Variants in GRK3 observed in about 807,000 individuals in gnomAD.
GRK3 encodes the protein G protein-coupled receptor kinase 3, also known as adrenergic, beta, receptor kinase 2.
Under a neutral mutation model 95.7 loss-of-function variants are expected in GRK3, and 54 were observed. That is an observed-to-expected ratio of 0.56 (90% CI 0.45 to 0.71). The LOEUF is 0.71. Among genes scored for constraint, GRK3 ranks in the 30% least tolerant of loss-of-function variants. GRK3 has a pLI of 0.00. For synonymous variants in GRK3, 281 were observed against 290.8 expected, an observed-to-expected ratio of 0.97 and a Z score of 0.34; for missense variants, 649 against 851.2, an observed-to-expected ratio of 0.76 and a Z score of 2.96.
intron 8 of GRK3, among the ~76,000 whole-genome samples, chr22:25,678,095 C>T (rs1202594303): frequency 6.6e-6 from 1 of 152,070 alleles, no homozygotes; most frequent in Non-Finnish European, 1.5e-5. Context: ...GAATTCATGC[C>T]TTCCCTTTCC....
intron 15 of GRK3, among the ~76,000 whole-genome samples, chr22:25,707,463 C>T (rs959241331): frequency 2.0e-5 from 3 of 152,184 alleles, no homozygotes; most frequent in African/African-American, 7.2e-5. Flanking sequence ...TGAGGCAGTG[C>T]ACATGGTAGG....
intron 2 of GRK3, among the ~76,000 whole-genome samples, chr22:25,605,145 TGAAG>T (rs763321215): frequency 6.6e-6 from 1 of 152,228 alleles, no homozygotes; most frequent in Non-Finnish European, 1.5e-5. Context: ...AGCCTGTCTG[TGAAG>T]AGGTTCTTTG....
intron 1 of GRK3, among the ~76,000 whole-genome samples, chr22:25,566,660 GA>G (rs1246774846): frequency 6.6e-6 from 1 of 152,006 alleles, no homozygotes; most frequent in African/African-American, 2.4e-5. Flanking sequence ...GAAGCTAATT[GA>G]AAAAAATCAA....
chr22:25,595,701 A>C (rs543268649), intron 1 of GRK3, among the ~76,000 whole-genome samples: 2 of 152,308 alleles, frequency 1.3e-5, no homozygotes, highest in Admixed American at 1.3e-4. Flanking sequence ...AATTCCAGCC[A>C]CTTGGGAGGC....
At chr22:25,570,700 AATGGGACT>A (rs996842465) in intron 1 of GRK3, among the ~76,000 whole-genome samples, 2 of 152,170 alleles carry the variant, frequency 1.3e-5, no homozygotes, top group African/African-American at 4.8e-5. Context: ...TTTGCATGCA[AATGGGACT>A]GGATATCCCG....
intron 1 of GRK3, among the ~76,000 whole-genome samples, chr22:25,589,345 A>G (rs1932420127): frequency 6.6e-6 from 1 of 152,198 alleles, no homozygotes; most frequent in Admixed American, 6.5e-5. Flanking sequence ...CTTGGCCCGT[A>G]GGGAGCAGAT....
chr22:25,710,974 A>G (rs1180904086), intron 16 of GRK3, 94 bp from the exon 17 acceptor site: 2 of 610,290 alleles, frequency 3.3e-6, no homozygotes, highest in African/African-American at 3.7e-5. Flanking sequence ...GAGCATGCGG[A>G]TATCTCGCAC....
chr22:25,658,691 C>G (rs2084889817), intron 3 of GRK3, among the ~76,000 whole-genome samples: 1 of 151,968 alleles, frequency 6.6e-6, no homozygotes, highest in Non-Finnish European at 1.5e-5. Context: ...AGAAGCAGAG[C>G]CTGAGTTTGT....
At chr22:25,648,758 A>C (rs943506629) in intron 3 of GRK3, 1 of 1,138,472 alleles carries the variant, frequency 8.8e-7, no homozygotes, top group East Asian at 2.4e-5. Context: ...ATGGTATGGC[A>C]TATATTAAAA....
Position 25,722,997 on chromosome 22 carries a change from C to T in GRK3, c.*547C>T, listed in dbSNP as rs2085445782. The T allele has an allele frequency of 6.6e-6, 1 of 152,524 alleles. No homozygotes were observed. Among genetic ancestry groups the T allele is most frequent in the African/African-American group, 2.4e-5 (1 of 41,446 alleles). The allele number at this position is 152,524 out of a possible 1,614,324, so 9.4% of individuals were successfully genotyped here. On this transcript the variant is annotated 3_prime_UTR_variant, in exon 21 of 21. Transcript: ENST00000324198. ...AAGATATTTCTGCACTTGGGCCCTCCTCTGGGAGCCGCACCCACATGACTG... is the reference window on the plus strand; with the variant it reads ...AAGATATTTCTGCACTTGGGCCCTCTTCTGGGAGCCGCACCCACATGACTG...
chr22:25,673,927 C>G lies in GRK3; in HGVS notation c.556-510C>G, dbSNP rs546049321. Among the ~76,000 whole-genome samples the G allele has an allele frequency of 2.0e-5, 3 of 152,066 alleles. No individual in the cohort carries two copies. In the East Asian group the frequency reaches 5.8e-4, roughly 29 times the overall value. Reference sequence around the variant, plus strand: ...CTCTATTCACTGATGTTACCAATAACAAATTCACATGGCCTGCATCTGTTG... The same window carrying G: ...CTCTATTCACTGATGTTACCAATAAGAAATTCACATGGCCTGCATCTGTTG... On this transcript the variant is annotated intron_variant, in intron 7 of 20. Coordinates refer to ENST00000324198, the MANE Select transcript of GRK3 (RefSeq NM_005160.4).
Position 25,695,225 on chromosome 22 carries a change from A to T in GRK3, c.1160+11A>T, listed in dbSNP as rs1236462307. ...CAAACTTCTGAGAGGGTGAGTTGAA[A>T]TGCATCCTTCTAGTGCTGTCCTCAT... is the stretch of plus-strand genomic sequence containing the variant. On this transcript the variant is annotated intron_variant, in intron 13 of 20. Coordinates refer to ENST00000324198, the MANE Select transcript of GRK3 (RefSeq NM_005160.4). The T allele has an allele frequency of 5.6e-6, 9 of 1,600,360 alleles. No individual in the cohort carries two copies. Among genetic ancestry groups the T allele is most frequent in the Non-Finnish European group, 7.7e-6 (9 of 1,167,544 alleles).
chr22:25,607,826 C>T (rs1335199870), intron 2 of GRK3, among the ~76,000 whole-genome samples: 14 of 152,002 alleles, frequency 9.2e-5, no homozygotes, highest in African/African-American at 3.4e-4. Flanking sequence ...AGTGATCTGC[C>T]CACCTCAGCC....
rs147477062 is a variant in GRK3, at chr22:25,582,438, G to A, written c.113+17285G>A. 1.7e-3 allele frequency among the ~76,000 whole-genome samples: 254 copies of A among 152,298 alleles called. 10 individuals carry two copies. In the East Asian group the frequency reaches 0.036, roughly 22 times the overall value. On this transcript the variant is annotated intron_variant, in intron 1 of 20. Coordinates refer to ENST00000324198, the MANE Select transcript of GRK3 (RefSeq NM_005160.4). ...TTTCTAGACAGGAAAACTCGACATT[G>A]TGAAGATGTCAGGTCTCCACAAATT... is the stretch of plus-strand genomic sequence containing the variant.
chr22:25,704,341 C>A, intron 15 of GRK3, 132 bp downstream of exon 15: 1 of 636,878 alleles, frequency 1.6e-6, no homozygotes, highest in Non-Finnish European at 2.8e-6. Context: ...AAAAATAAAT[C>A]ACATGGGAAA....
chr22:25,578,740 G>C (rs937328894), intron 1 of GRK3, among the ~76,000 whole-genome samples: 1 of 152,086 alleles, frequency 6.6e-6, no homozygotes, highest in South Asian at 2.1e-4. Flanking sequence ...GAAAAGGCAA[G>C]GAAATGGCCT....
intron 1 of GRK3, among the ~76,000 whole-genome samples, chr22:25,598,671 C>T (rs1385363937): frequency 2.0e-5 from 3 of 151,496 alleles, no homozygotes; most frequent in Non-Finnish European, 2.9e-5. Flanking sequence ...AGACCCTGTG[C>T]GAAAAACAAA....
intron 6 of GRK3, among the ~76,000 whole-genome samples, chr22:25,669,951 A>G (rs2146410724): frequency 6.6e-6 from 1 of 152,346 alleles, no homozygotes; most frequent in Middle Eastern, 3.4e-3. Context: ...AGTGCACCCA[A>G]ATGTGGTTTT....
intron 2 of GRK3, among the ~76,000 whole-genome samples, chr22:25,619,191 C>T (rs2084562005): frequency 6.6e-6 from 1 of 152,130 alleles, no homozygotes; most frequent in Non-Finnish European, 1.5e-5. Context: ...CCAGGTTACC[C>T]ATAACAGCAC....
Sources: allele counts gnomAD v4.1 joint callset (sites outside exome capture counted in the v4.1 genomes callset), GRCh38; gene constraint gnomAD v4.1.1; transcripts MANE v1.5; gene names NCBI Gene and HGNC (gene_info 2026-07-23, HGNC 2026-07-21).